Variants in NPR1 observed in about 807,000 individuals in gnomAD.
NPR1 encodes the protein atrial natriuretic peptide receptor 1.
Under a neutral mutation model 116.9 loss-of-function variants are expected in NPR1, and 57 were observed. The observed-to-expected ratio is 0.49, with a 90% CI of 0.39 to 0.61. The LOEUF is 0.61. Ranked by LOEUF, NPR1 falls within the 20% of genes least tolerant of loss-of-function variation. NPR1 has a pLI of 0.00. For synonymous variants in NPR1, 555 were observed against 601.6 expected, an observed-to-expected ratio of 0.92 and a Z score of 1.13; for missense variants, 1,096 against 1,409.8, an observed-to-expected ratio of 0.78 and a Z score of 3.56.
intron 10 of NPR1, 60 bp from the exon 11 acceptor site, chr1:153,686,586 T>C: frequency 7.3e-7 from 1 of 1,375,666 alleles, no homozygotes; most frequent in Non-Finnish European, 1.0e-6. Context: ...CTGAAGCTAG[T>C]GAGCAGCTTG....
At position 153,689,677 on chromosome 1, in the gene NPR1, C is replaced by T. The variant is rs767152484; in HGVS notation, c.2758-129C>T. The stretch of plus-strand genomic sequence containing the variant: ...GGAGACCCGGGAACAGGCAGAGAAC[C>T]CATGTGGGATGGGGGATGAGCAAAG... On this transcript the variant is annotated intron_variant, in intron 18 of 21. Coordinates refer to ENST00000368680, the MANE Select transcript of NPR1 (RefSeq NM_000906.4). The surrounding 1 kb of genome is among the most constrained non-coding windows in gnomAD (Gnocchi z 5.1). 2 of 1,231,256 alleles carry T rather than the reference C, an allele frequency of 1.6e-6. No individual in the cohort carries two copies. The highest frequency in any genetic ancestry group is 1.1e-6 in the Non-Finnish European group (1 of 877,768). The allele number at this position is 1,231,256 out of a possible 1,614,324, so 76.3% of individuals were successfully genotyped here.
chr1:153,679,348 G>T lies in NPR1; in HGVS notation c.240G>T (p.Thr80=), dbSNP rs1669693691. The change falls in exon 1 of 22, where the codon ACG becomes ACT. Residue 80 remains threonine, a synonymous_variant. Transcript: ENST00000368680. The surrounding 1 kb of genome is among the most constrained non-coding windows in gnomAD (Gnocchi z 4.2). ...PDLLPGWTVR[T]VLGSSENALG... ...TGCTGCCGGGCTGGACGGTCCGCAC[G>T]GTGCTGGGCAGCAGCGAAAACGCGC... The T allele has an allele frequency of 6.5e-7, 1 of 1,537,062 alleles. No individual in the cohort carries two copies. Among genetic ancestry groups the T allele is most frequent in the Non-Finnish European group, 8.7e-7 (1 of 1,147,608 alleles).
rs1386540335 is a variant in NPR1 at position 153,684,382 on chromosome 1, CTTTCTTTTTTTTTT to C, written c.1484+562_1485-565del. 3.2e-5 allele frequency among the ~76,000 whole-genome samples: 4 copies of C among 123,102 alleles called. No individual in the cohort carries two copies. The Admixed American group carries it at 3.8e-4, about 12-fold the overall frequency. The allele number at this position is 123,102 out of a possible 152,430, so 80.8% of individuals were successfully genotyped here. ...GCACTTCCACGTACACTATTTCTTT[CTTTCTTTTTTTTTT>C]TTTTTTTTTTTTTTGAGACGGAGTC... On this transcript the variant is annotated intron_variant, in intron 7 of 21. Coordinates refer to ENST00000368680, the MANE Select transcript of NPR1 (RefSeq NM_000906.4).
At chr1:153,686,095 A>G in intron 9 of NPR1, 28 bp from the exon 10 acceptor site, 1 of 1,609,176 alleles carries the variant, frequency 6.2e-7, no homozygotes, top group Non-Finnish European at 8.5e-7. Context: ...CATGCTCTTC[A>G]CAGTGACAGT....
rs1189924933 is a variant in NPR1 at position 153,690,068 on chromosome 1, ATCTCTCTC to A, written c.2932+120_2932+127del. The stretch of plus-strand genomic sequence containing the variant: ...CCCTGGCCCAGCCCCTCGCCCTTTC[ATCTCTCTC>A]TCTCTCTCTCTCTCTCTCTCTCTCT... On this transcript the variant is annotated intron_variant, in intron 19 of 21. Transcript: ENST00000368680. 6.6e-3 allele frequency: 4,496 copies of A among 679,846 alleles called. 44 individuals carry two copies. The highest frequency in any genetic ancestry group is 0.052 in the African/African-American group (1,652 of 31,482). The allele number at this position is 679,846 out of a possible 1,614,324, so 42.1% of individuals were successfully genotyped here.
chr1:153,682,697 C>G, intron 5 of NPR1, 108 bp downstream of exon 5: 1 of 815,360 alleles, frequency 1.2e-6, no homozygotes, highest in Admixed American at 2.0e-5. Context: ...AGCCATTCCA[C>G]CATGCCTGGA....
Position 153,679,449 on chromosome 1 carries a change from TG to T in NPR1, c.344del (p.Gly115AlafsTer23). 1 of 1,542,592 alleles carries T rather than the reference TG, an allele frequency of 6.5e-7. No homozygotes were observed. ...TGGGAGCACAACCCCGCTGTGTTCC[TG>T]GGCCCCGGCTGCGTGTACGCCGCCG... ...LKWEHNPAVFLGPGCVYAAAP... is the reference protein window; with the variant it reads ...LKWEHNPAVFXGPGCVYAAAP... On this transcript the variant is annotated frameshift_variant, in exon 1 of 22. Transcript: ENST00000368680. LOFTEE classifies it high-confidence loss of function. The surrounding 1 kb of genome is among the most constrained non-coding windows in gnomAD (Gnocchi z 4.2).
At chr1:153,684,386 CTTTTTT>C (rs58272090) in intron 7 of NPR1, among the ~76,000 whole-genome samples, 7 of 89,014 alleles carry the variant, frequency 7.9e-5, no homozygotes, top group South Asian at 8.6e-4. Context: ...TTCTTTCTTT[CTTTTTT>C]TTTTTTTTTT....
At chr1:153,691,562 A>G (rs924988375) in intron 20 of NPR1, among the ~76,000 whole-genome samples, 9 of 152,128 alleles carry the variant, frequency 5.9e-5, no homozygotes, top group Non-Finnish European at 1.0e-4. Flanking sequence ...GTCAGAGTAC[A>G]GCCCCTTGTT....
rs759008704 is a variant in NPR1, at chr1:153,689,740, T to C, written c.2758-66T>C. 22 of 1,434,258 alleles carry C rather than the reference T, an allele frequency of 1.5e-5. No homozygotes were observed. In the South Asian group the frequency reaches 2.8e-4, roughly 18 times the overall value. The allele number at this position is 1,434,258 out of a possible 1,614,324, so 88.8% of individuals were successfully genotyped here. A position where few individuals can be genotyped will look rare whatever the true frequency, so the allele number is the denominator to read the frequency against. ...ACAGAATGACAGACGCTGCACCCGG[T>C]GTGACGGTGTGGCCGGCCGCACAGT... On this transcript the variant is annotated intron_variant, in intron 18 of 21. Coordinates refer to ENST00000368680, the MANE Select transcript of NPR1 (RefSeq NM_000906.4). The surrounding 1 kb of genome is among the most constrained non-coding windows in gnomAD (Gnocchi z 5.1).
Position 153,679,171 on chromosome 1 carries a change from G to A in NPR1, c.63G>A (p.Pro21=). ...GCCTGCTCCTGCTCCTGCTGCTGCC[G>A]CCGCTGCTGCTGCTGCTCCGGGGCA... ...RLRLLLLLLL[P]PLLLLLRGSH... The change falls in exon 1 of 22, where the codon CCG becomes CCA. Residue 21 remains proline, a synonymous_variant. Coordinates refer to ENST00000368680, the MANE Select transcript of NPR1 (RefSeq NM_000906.4). This position sits in a 1 kb window ranked among gnomAD's most constrained non-coding sequence, Gnocchi z 4.2. 6.7e-7 allele frequency: 1 copy of A among 1,502,260 alleles called. No homozygotes were observed. The allele number at this position is 1,502,260 out of a possible 1,614,324, so 93.1% of individuals were successfully genotyped here.
chr1:153,688,780 G>A (rs1670004171), intron 15 of NPR1, 173 bp from the exon 16 acceptor site: 6 of 703,054 alleles, frequency 8.5e-6, no homozygotes. Context: ...GAAAAGAATT[G>A]AACTTTCTTC....
chr1:153,682,743 C>G (rs1669817620), intron 5 of NPR1, among the ~76,000 whole-genome samples, 154 bp downstream of exon 5: 1 of 152,234 alleles, frequency 6.6e-6, no homozygotes, highest in South Asian at 2.1e-4. Context: ...AGACCCAGCT[C>G]CAGTCTGGGG....
chr1:153,692,945 G>C (rs529016443), intron 20 of NPR1, among the ~76,000 whole-genome samples, 161 bp from the exon 21 acceptor site: 3 of 152,280 alleles, frequency 2.0e-5, no homozygotes, highest in South Asian at 2.1e-4. Flanking sequence ...CTACATTCAG[G>C]GGGTGGGGCC....
chr1:153,686,213 G>T lies in NPR1; in HGVS notation c.1758+13G>T. On this transcript the variant is annotated intron_variant, in intron 10 of 21. Coordinates refer to ENST00000368680, the MANE Select transcript of NPR1 (RefSeq NM_000906.4). Reference sequence around the variant, plus strand: ...TGAACTGAAGCATGTAATGTGGGGAGTGAGGCAGTGGCATGGAGAAGGGGC... The same window carrying T: ...TGAACTGAAGCATGTAATGTGGGGATTGAGGCAGTGGCATGGAGAAGGGGC... The T allele has an allele frequency of 6.2e-7, 1 of 1,613,254 alleles. No homozygotes were observed. The highest frequency in any genetic ancestry group is 8.5e-7 in the Non-Finnish European group (1 of 1,179,282).
At chr1:153,692,924 G>A (rs752212884) in intron 20 of NPR1, among the ~76,000 whole-genome samples, 182 bp from the exon 21 acceptor site, 1 of 152,204 alleles carries the variant, frequency 6.6e-6, no homozygotes, top group Non-Finnish European at 1.5e-5. Flanking sequence ...AGAGGCTAAT[G>A]TGGTCACGCA....
chr1:153,680,457 C>T lies in NPR1; in HGVS notation c.722-44C>T, dbSNP rs191685048. ...CCAGCTTTCCTACTCCTGTCTCTCC[C>T]GCAGTACCTAGGCTTCTCTCTCTGA... On this transcript the variant is annotated intron_variant, in intron 1 of 21. Transcript: ENST00000368680. 4.9e-4 allele frequency: 776 copies of T among 1,589,842 alleles called. 2 individuals carry two copies. The African/African-American group carries it at 9.3e-3, about 19-fold the overall frequency.
intron 15 of NPR1, among the ~76,000 whole-genome samples, chr1:153,688,518 T>C (rs1669998612): frequency 2.0e-5 from 3 of 152,172 alleles, no homozygotes; most frequent in African/African-American, 7.2e-5. Context: ...GTAGGATAGA[T>C]GGGCCTCCCG....
In NPR1 at chr1:153,679,848, C is replaced by G; in HGVS notation, c.721+19C>G. On this transcript the variant is annotated intron_variant, in intron 1 of 21. Coordinates refer to ENST00000368680, the MANE Select transcript of NPR1 (RefSeq NM_000906.4). This position sits in a 1 kb window ranked among gnomAD's most constrained non-coding sequence, Gnocchi z 4.2. ...GGCCGAGGTGAGACGCTGGCACACCCCGTCCCGCCGCTTAGCCGCAGGGCC... is the reference window on the plus strand; with the variant it reads ...GGCCGAGGTGAGACGCTGGCACACCGCGTCCCGCCGCTTAGCCGCAGGGCC... 1.3e-6 allele frequency: 2 copies of G among 1,533,718 alleles called. No homozygotes were observed. Among genetic ancestry groups the G allele is most frequent in the Non-Finnish European group, 1.7e-6 (2 of 1,145,608 alleles).
Sources: allele counts gnomAD v4.1 joint callset (sites outside exome capture counted in the v4.1 genomes callset), GRCh38; gene constraint gnomAD v4.1.1; non-coding constraint Gnocchi (gnomAD v3.1); transcripts MANE v1.5; gene names NCBI Gene and HGNC (gene_info 2026-07-23, HGNC 2026-07-21).